CD86: variants seen among roughly 807,000 people sequenced by gnomAD.
CD86 encodes the protein CD86 molecule.
In CD86, 11 loss-of-function variants were observed where a neutral mutation model predicts 32.1. The ratio of observed to expected loss-of-function variants is 0.34; its 90% confidence interval spans 0.22 to 0.57. The LOEUF (loss-of-function observed/expected upper bound fraction) is 0.57. CD86 is among the 20% of genes least tolerant of loss of function. CD86 has a pLI of 0.86. For synonymous variants in CD86, 137 were observed against 135.3 expected (o/e 1.01, Z -0.09); for missense variants, 359 against 398.4 (o/e 0.90, Z 0.84).
intron 1 of CD86, among the ~76,000 whole-genome samples, chr3:122,068,494 A>G (rs2072445030): frequency 6.6e-6 from 1 of 152,218 alleles, no homozygotes; most frequent in African/African-American, 2.4e-5. Flanking sequence ...GAATACGTAA[A>G]TGCACACCCT....
At chr3:122,088,384 A>G (rs1045941014) in intron 1 of CD86, among the ~76,000 whole-genome samples, 1 of 152,068 alleles carries the variant, frequency 6.6e-6, no homozygotes, top group Non-Finnish European at 1.5e-5. Flanking sequence ...TTATTGATTT[A>G]TAGAAGCTCT....
chr3:122,117,586 C>A (rs1177163295), intron 5 of CD86, among the ~76,000 whole-genome samples: 1 of 152,222 alleles, frequency 6.6e-6, no homozygotes, highest in East Asian at 1.9e-4. Flanking sequence ...TAGAAATTTC[C>A]CACTTGGCCT....
rs1415204798 is a variant in CD86 at position 122,106,592 on chromosome 3, C to T, written c.703+92C>T. 11 of 1,163,888 alleles carry T rather than the reference C, an allele frequency of 9.5e-6. No individual in the cohort carries two copies. The East Asian group carries it at 2.6e-4, about 27-fold the overall frequency. The allele number at this position is 1,163,888 out of a possible 1,614,324, so 72.1% of individuals were successfully genotyped here. A position where few individuals can be genotyped will look rare whatever the true frequency, so the allele number is the denominator to read the frequency against. Reference sequence around the variant, plus strand: ...CCAATGTCCCCGACTTGCTAGGAAACCTCCAACTGGGCCATTTTATGACGC... The same window carrying T: ...CCAATGTCCCCGACTTGCTAGGAAATCTCCAACTGGGCCATTTTATGACGC... On this transcript the variant is annotated intron_variant, in intron 4 of 6. Transcript: ENST00000330540.
chr3:122,075,864 TG>T (rs1458314772), intron 1 of CD86, among the ~76,000 whole-genome samples: 2 of 152,198 alleles, frequency 1.3e-5, no homozygotes, highest in Non-Finnish European at 2.9e-5. Flanking sequence ...TAAAACAACT[TG>T]TTTTTTAAGA....
intron 1 of CD86, among the ~76,000 whole-genome samples, chr3:122,061,606 G>C (rs1029487732): frequency 1.3e-5 from 2 of 152,110 alleles, no homozygotes; most frequent in African/African-American, 4.8e-5. Flanking sequence ...CCATATAAGA[G>C]AGTCAACATC....
intron 1 of CD86, 55 bp from the exon 2 acceptor site, chr3:122,091,546 C>A: frequency 1.4e-6 from 2 of 1,387,912 alleles, no homozygotes; most frequent in South Asian, 2.3e-5. Context: ...TGGTGAACAT[C>A]GGTTTTCAGT....
Position 122,119,510 on chromosome 3 carries a change from C to A in CD86, c.966C>A (p.Cys322Ter), listed in dbSNP as rs776322796. The A allele has an allele frequency of 3.1e-6, 5 of 1,601,708 alleles. No individual in the cohort carries two copies. The highest frequency in any genetic ancestry group is 1.7e-5 in the Admixed American group (1 of 59,948). The change falls in exon 7 of 7, where the codon TGC (cysteine) becomes TGA (stop). Residue 322 changes from cysteine to a stop codon, truncating the protein, a stop_gained. Coordinates refer to ENST00000330540, the MANE Select transcript of CD86 (RefSeq NM_175862.5). LOFTEE classifies it high-confidence loss of function. ...RVFKSSKTSS[C>*]DKSDTCF is the part of the protein sequence containing the mutation. ...TTAAAAGTTCGAAGACATCTTCATGCGACAAAAGTGATACATGTTTTTAAT... is the reference window on the plus strand; with the variant it reads ...TTAAAAGTTCGAAGACATCTTCATGAGACAAAAGTGATACATGTTTTTAAT...
At chr3:122,104,511 TCTA>T (rs2073061214) in intron 3 of CD86, among the ~76,000 whole-genome samples, 1 of 152,174 alleles carries the variant, frequency 6.6e-6, no homozygotes, top group Admixed American at 6.5e-5. Flanking sequence ...GATATACTGT[TCTA>T]CTGATTGTAT....
At chr3:122,108,631 G>C (rs2107543964) in intron 4 of CD86, among the ~76,000 whole-genome samples, 1 of 152,286 alleles carries the variant, frequency 6.6e-6, no homozygotes, top group East Asian at 1.9e-4. Flanking sequence ...TCTCATGTAA[G>C]GAAGTAGTTC....
At chr3:122,098,127 A>C (rs992106184) in intron 2 of CD86, among the ~76,000 whole-genome samples, 5 of 152,194 alleles carry the variant, frequency 3.3e-5, no homozygotes, top group African/African-American at 1.2e-4. Context: ...ATAGATTTTT[A>C]ATCAGAACCC....
intron 1 of CD86, among the ~76,000 whole-genome samples, chr3:122,062,681 A>G (rs1433634099): frequency 6.6e-6 from 1 of 152,182 alleles, no homozygotes; most frequent in Non-Finnish European, 1.5e-5. Flanking sequence ...TTAATAAATC[A>G]TCTTCTATTT....
At chr3:122,060,838 A>G (rs1453440575) in intron 1 of CD86, among the ~76,000 whole-genome samples, 1 of 152,202 alleles carries the variant, frequency 6.6e-6, no homozygotes, top group Non-Finnish European at 1.5e-5. Flanking sequence ...TCGCAGAGGT[A>G]AAGCCTCTGG....
chr3:122,055,919 A>G (rs1404538862), intron 1 of CD86, among the ~76,000 whole-genome samples: 1 of 152,180 alleles, frequency 6.6e-6, no homozygotes, highest in Non-Finnish European at 1.5e-5. Context: ...AAGAAAAAGA[A>G]AGAGAAAAAA....
At chr3:122,087,278 C>T (rs2072739412) in intron 1 of CD86, among the ~76,000 whole-genome samples, 1 of 152,190 alleles carries the variant, frequency 6.6e-6, no homozygotes, top group Admixed American at 6.5e-5. Context: ...GAAATCTCCT[C>T]TCAGAGAATC....
intron 1 of CD86, among the ~76,000 whole-genome samples, chr3:122,067,816 T>C (rs2072435560): frequency 6.6e-6 from 1 of 152,192 alleles, no homozygotes; most frequent in African/African-American, 2.4e-5. Context: ...GACACCTTCT[T>C]TTATCAGAAA....
intron 5 of CD86, among the ~76,000 whole-genome samples, chr3:122,113,032 T>A (rs573888315): frequency 1.3e-5 from 2 of 152,306 alleles, no homozygotes; most frequent in African/African-American, 4.8e-5. Context: ...GTCCCCAAAG[T>A]CCATTATATT....
intron 2 of CD86, among the ~76,000 whole-genome samples, chr3:122,103,178 G>T (rs2073037288): frequency 8.5e-6 from 1 of 117,466 alleles, no homozygotes; most frequent in Non-Finnish European, 1.9e-5. Flanking sequence ...TAACTCTACT[G>T]GTTTTTCCCT....
chr3:122,111,464 C>T (rs1043705530), intron 5 of CD86, among the ~76,000 whole-genome samples: 1 of 152,200 alleles, frequency 6.6e-6, no homozygotes, highest in African/African-American at 2.4e-5. Flanking sequence ...TGAGATTAAC[C>T]TGGATTATCC....
chr3:122,114,815 A>T (rs2073225814), intron 5 of CD86, among the ~76,000 whole-genome samples: 1 of 152,242 alleles, frequency 6.6e-6, no homozygotes, highest in African/African-American at 2.4e-5. Flanking sequence ...ACCCATTCAT[A>T]GTTTTAAATG....
Sources: allele counts gnomAD v4.1 joint callset (sites outside exome capture counted in the v4.1 genomes callset), GRCh38; gene constraint gnomAD v4.1.1; transcripts MANE v1.5; gene names NCBI Gene and HGNC (gene_info 2026-07-23, HGNC 2026-07-21).